The following JMJD1C variants were observed in gnomAD, a reference collection of about 807,000 sequenced individuals.
The protein encoded by JMJD1C is jumonji domain-containing protein 1C.
Under a neutral mutation model 245.3 loss-of-function variants are expected in JMJD1C, and 31 were observed. That is an observed-to-expected ratio of 0.13 (90% CI 0.09 to 0.17). JMJD1C has a LOEUF of 0.17. Among genes scored for constraint, JMJD1C ranks in the 10% least tolerant of loss-of-function variants. The pLI, the probability that JMJD1C is intolerant of heterozygous loss-of-function variation, is 1.00. For missense variants in JMJD1C, 2,691 were observed against 3,000.2 expected, an observed-to-expected ratio of 0.90 and a Z score of 2.41; for synonymous variants, 1,057 against 1,017.4, an observed-to-expected ratio of 1.04 and a Z score of -0.74.
At chr10:63,517,580 C>A (rs889524960) in intron 1 of JMJD1C, among the ~76,000 whole-genome samples, 1 of 152,060 alleles carries the variant, frequency 6.6e-6, no homozygotes, top group South Asian at 2.1e-4. Context: ...CTTTATATAG[C>A]ACAATGTATG....
At chr10:63,513,058 TATCC>T (rs1954917566) in intron 1 of JMJD1C, among the ~76,000 whole-genome samples, 1 of 152,232 alleles carries the variant, frequency 6.6e-6, no homozygotes, top group Non-Finnish European at 1.5e-5. Context: ...CTGCTTACAT[TATCC>T]ATCTGTTCTT....
chr10:63,461,931 A>G (rs1210903466), intron 1 of JMJD1C, among the ~76,000 whole-genome samples: 1 of 152,186 alleles, frequency 6.6e-6, no homozygotes, highest in Non-Finnish European at 1.5e-5. Flanking sequence ...ATATTACAAT[A>G]TTATTCAAGG....
At chr10:63,320,488 T>C (rs548956002) in intron 2 of JMJD1C, among the ~76,000 whole-genome samples, 95 of 152,236 alleles carry the variant, frequency 6.2e-4, no homozygotes, top group Non-Finnish European at 1.2e-3. Context: ...GTCAGCCCCA[T>C]TGAGCTCAAG....
At chr10:63,260,574 TA>T in intron 3 of JMJD1C, among the ~76,000 whole-genome samples, 1 of 152,026 alleles carries the variant, frequency 6.6e-6, no homozygotes, top group South Asian at 2.1e-4. Context: ...CCACAGAGAT[TA>T]TAGTAACAAC....
At position 63,215,258 on chromosome 10, in the gene JMJD1C, C is replaced by T; in HGVS notation, c.1015+5G>A. 3.7e-6 allele frequency: 6 copies of T among 1,606,944 alleles called. No homozygotes were observed. Among genetic ancestry groups the T allele is most frequent in the South Asian group, 1.1e-5 (1 of 89,944 alleles). On this transcript the variant is annotated splice_donor_5th_base_variant and intron_variant, in intron 7 of 25. Coordinates refer to ENST00000399262, the MANE Select transcript of JMJD1C (RefSeq NM_032776.3). ...CATTCCCTTAAAAAAAAAAGTGGGT[C>T]CTACCTCCTCGTGATATATAATCAT...
intron 23 of JMJD1C, chr10:63,177,390 TTTG>T (rs1441658120): frequency 3.7e-6 from 1 of 272,300 alleles, no homozygotes; most frequent in Non-Finnish European, 7.0e-6. Flanking sequence ...CCATGAAATA[TTTG>T]TTTTTACATC....
intron 3 of JMJD1C, among the ~76,000 whole-genome samples, chr10:63,231,252 G>A (rs1283853009): frequency 6.6e-6 from 1 of 152,148 alleles, no homozygotes; most frequent in Non-Finnish European, 1.5e-5. Context: ...TGATTACTTT[G>A]ATTTTCTAAA....
chr10:63,330,657 A>G (rs1589497692), intron 2 of JMJD1C, among the ~76,000 whole-genome samples: 2 of 152,122 alleles, frequency 1.3e-5, no homozygotes, highest in East Asian at 1.9e-4. Context: ...GATTATTTCT[A>G]TTGTTTAGCC....
Position 63,219,999 on chromosome 10 carries a change from A to G in JMJD1C, c.448-16T>C. On this transcript the variant is annotated splice_polypyrimidine_tract_variant and intron_variant, in intron 3 of 25. Coordinates refer to ENST00000399262, the MANE Select transcript of JMJD1C (RefSeq NM_032776.3). ...CTATGTCGTCCTAGAATTATAGATT[A>G]AAAGAAAGGTCCATGTTACGCTCTC... The G allele has an allele frequency of 6.3e-7, 1 of 1,580,072 alleles. No individual in the cohort carries two copies.
chr10:63,207,296 A>G lies in JMJD1C; in HGVS notation c.4373T>C (p.Leu1458Ser), dbSNP rs200797706. 39 of 1,613,604 alleles carry G rather than the reference A, an allele frequency of 2.4e-5. No individual in the cohort carries two copies. Among genetic ancestry groups the G allele is most frequent in the South Asian group, 1.1e-5 (1 of 91,086 alleles). The change falls in exon 10 of 26, where the codon TTA becomes TCA. Residue 1458 changes from leucine to serine, a missense_variant. Transcript: ENST00000399262. The part of the protein sequence containing the change: ...CKVSTTAPVT[L>S]ASSKTGSVVQ... Reference sequence around the variant, plus strand: ...AACACTTCCTGTCTTACTACTGGCTAATGTAACTGGTGCTGTGGTGCTGAC... The same window carrying G: ...AACACTTCCTGTCTTACTACTGGCTGATGTAACTGGTGCTGTGGTGCTGAC...
At chr10:63,398,018 C>G (rs190681363) in intron 1 of JMJD1C, among the ~76,000 whole-genome samples, 5 of 152,300 alleles carry the variant, frequency 3.3e-5, no homozygotes, top group Admixed American at 2.0e-4. Flanking sequence ...GAGACAGTAA[C>G]AGCAGATTTC....
intron 13 of JMJD1C, among the ~76,000 whole-genome samples, chr10:63,196,746 A>C (rs1264499869): frequency 1.3e-5 from 2 of 152,174 alleles, no homozygotes; most frequent in Non-Finnish European, 2.9e-5. Flanking sequence ...AGCTTTAGGT[A>C]GTCACTTCCA....
rs142189360 is a variant in JMJD1C, at chr10:63,255,712, T to C, written c.447+8939A>G. ...AGTTGTGTGGATTAATAAATTAATA[T>C]ATATCCTGAAAGCATTACACAAAAT... On this transcript the variant is annotated intron_variant, in intron 3 of 25. Transcript: ENST00000399262. 3.2e-3 allele frequency among the ~76,000 whole-genome samples: 488 copies of C among 152,314 alleles called. 2 individuals are homozygous for C. Among genetic ancestry groups the C allele is most frequent in the African/African-American group, 0.011 (473 of 41,572 alleles).
At position 63,208,125 on chromosome 10, in the gene JMJD1C, C is replaced by A; in HGVS notation, c.3544G>T (p.Asp1182Tyr). The A allele has an allele frequency of 1.2e-6, 2 of 1,614,150 alleles. No homozygotes were observed. The highest frequency in any genetic ancestry group is 1.7e-6 in the Non-Finnish European group (2 of 1,180,016). Residue 1182 changes from aspartate (D) to tyrosine (Y), a missense_variant, in exon 10 of 26, where the codon GAT becomes TAT. By Grantham distance (160) the Asp-to-Tyr change is radical. Coordinates refer to ENST00000399262, the MANE Select transcript of JMJD1C (RefSeq NM_032776.3). ...ASHSVTTFRN[D>Y]CRSPTHLTVS... The stretch of plus-strand genomic sequence containing the variant: ...GTCAAATGGGTAGGACTCCTACAAT[C>A]ATTTCTGAAGGTTGTTACTGAGTGA...
intron 10 of JMJD1C, chr10:63,203,349 T>G (rs529882152): frequency 8.9e-4 from 881 of 984,560 alleles, no homozygotes; most frequent in Non-Finnish European, 1.0e-3. Context: ...CAATGGATAC[T>G]TCTTCATTTA....
Position 63,294,747 on chromosome 10 carries a change from A to G in JMJD1C, c.334-29983T>C, listed in dbSNP as rs553980930. ...GTTTTAACTTGTTATTTATGCATGT[A>G]TCTGTCTCCACAAAACTTTGGAGTT... On this transcript the variant is annotated intron_variant, in intron 2 of 25. Transcript: ENST00000399262. Among the ~76,000 whole-genome samples, 151 of 152,344 alleles carry G rather than the reference A, an allele frequency of 9.9e-4. 1 individual carries two copies. Among genetic ancestry groups the G allele is most frequent in the Non-Finnish European group, 1.6e-3 (112 of 68,024 alleles).
intron 3 of JMJD1C, chr10:63,223,080 T>G: frequency 1.1e-6 from 1 of 899,966 alleles, no homozygotes; most frequent in Non-Finnish European, 1.7e-6. Flanking sequence ...CCATCATGTA[T>G]GTAAAATTTC....
Position 63,465,768 on chromosome 10 carries a change from A to T in JMJD1C, c.-106T>A. On this transcript the variant is annotated 5_prime_UTR_variant, in exon 1 of 26. Transcript: ENST00000399262. Reference sequence around the variant, plus strand: ...TGAGGAGAGCGGACCGGGACACAGCAGCGGACCCGAAAGAGCGCAGACTCG... The same window carrying T: ...TGAGGAGAGCGGACCGGGACACAGCTGCGGACCCGAAAGAGCGCAGACTCG... 3.0e-6 allele frequency: 4 copies of T among 1,355,112 alleles called. No individual in the cohort carries two copies. The highest frequency in any genetic ancestry group is 4.1e-6 in the Non-Finnish European group (4 of 973,102). The allele number at this position is 1,355,112 out of a possible 1,614,324, so 83.9% of individuals were successfully genotyped here.
At chr10:63,462,849 A>G (rs536982864) in intron 1 of JMJD1C, among the ~76,000 whole-genome samples, 1 of 152,260 alleles carries the variant, frequency 6.6e-6, no homozygotes, top group African/African-American at 2.4e-5. Flanking sequence ...TAATAAGCGT[A>G]TAACATTTAA....
Sources: allele counts gnomAD v4.1 joint callset (sites outside exome capture counted in the v4.1 genomes callset), GRCh38; gene constraint gnomAD v4.1.1; transcripts MANE v1.5; gene names NCBI Gene and HGNC (gene_info 2026-07-23, HGNC 2026-07-21).